The following LMBRD1 variants were observed in gnomAD, a reference collection of about 807,000 sequenced individuals.
LMBRD1 encodes the protein LMBR1 domain containing 1.
A neutral mutation model predicts 74.8 loss-of-function variants in LMBRD1; 64 were observed. That is an observed-to-expected ratio of 0.86 (90% confidence interval 0.70 to 1.05). LMBRD1 has a LOEUF of 1.05. Ranked by LOEUF, LMBRD1 falls within the 50% of genes least tolerant of loss-of-function variation. The probability of loss-of-function intolerance (pLI) is 0.00; values close to 1 mark genes in which losing one functional copy is unlikely to be tolerated. For missense variants in LMBRD1, 652 were observed against 645.9 expected, an observed-to-expected ratio of 1.01 and a Z score of -0.10; for synonymous variants, 204 against 216.3, an observed-to-expected ratio of 0.94 and a Z score of 0.50.
intron 12 of LMBRD1, 144 bp downstream of exon 12, chr6:69,700,621 G>T: frequency 1.9e-6 from 1 of 537,722 alleles, no homozygotes; most frequent in Non-Finnish European, 2.9e-6. Flanking sequence ...GTACTTTTAT[G>T]TCAACATGAA....
intron 2 of LMBRD1, among the ~76,000 whole-genome samples, 189 bp from the exon 3 acceptor site, chr6:69,780,743 C>T (rs1277839416): frequency 6.6e-6 from 1 of 152,116 alleles, no homozygotes; most frequent in Non-Finnish European, 1.5e-5. Context: ...GATAAGACAA[C>T]ACAGTTCTGG....
chr6:69,733,022 G>C (rs530982363), intron 7 of LMBRD1, among the ~76,000 whole-genome samples: 1 of 151,938 alleles, frequency 6.6e-6, no homozygotes, highest in South Asian at 2.1e-4. Context: ...ATTAATACAG[G>C]GTACAGTAGT....
At position 69,701,917 on chromosome 6, in the gene LMBRD1, G is replaced by C; in HGVS notation, c.952C>G (p.Leu318Val). ...WGIFFILVAL[L>V]FVISLFLSNL... ...GACAAGAAGAGAGAAATTACAAACA[G>C]CAATGCAACTAAGATGAAAAATATT... is the stretch of plus-strand genomic sequence containing the variant. The change falls in exon 10 of 16, where the codon CTG (leucine) becomes GTG (valine). Residue 318 changes from leucine to valine, a missense_variant. Around this residue, in one of 3 missense-constraint regions of LMBRD1, gnomAD observed 598 missense variants for 581.8 expected, o/e 1.03. Coordinates refer to ENST00000649934, the MANE Select transcript of LMBRD1 (RefSeq NM_018368.4). The C allele has an allele frequency of 6.2e-7, 1 of 1,600,494 alleles. No homozygotes were observed. The highest frequency in any genetic ancestry group is 8.6e-7 in the Non-Finnish European group (1 of 1,168,604).
At chr6:69,725,567 CACAAACAA>C (rs1326802407) in intron 7 of LMBRD1, among the ~76,000 whole-genome samples, 3 of 150,856 alleles carry the variant, frequency 2.0e-5, no homozygotes, top group Non-Finnish European at 4.4e-5. Flanking sequence ...ATAGAGAACC[CACAAACAA>C]ATCTACACAC....
intron 2 of LMBRD1, among the ~76,000 whole-genome samples, chr6:69,782,245 A>G (rs1312324581): frequency 6.6e-6 from 1 of 152,224 alleles, no homozygotes; most frequent in Non-Finnish European, 1.5e-5. Context: ...GCTCTTACAA[A>G]GCGATAAGCT....
At chr6:69,734,395 CA>C (rs1158510938) in intron 7 of LMBRD1, among the ~76,000 whole-genome samples, 1 of 69,674 alleles carries the variant, frequency 1.4e-5, no homozygotes, top group Non-Finnish European at 2.5e-5. Context: ...ATAACAAAAC[CA>C]ATTTTTTTTT....
Position 69,737,977 on chromosome 6 carries a change from T to G in LMBRD1, c.601A>C (p.Thr201Pro), listed in dbSNP as rs773018414. The G allele has an allele frequency of 1.2e-6, 2 of 1,611,212 alleles. No individual in the cohort carries two copies. The highest frequency in any genetic ancestry group is 1.7e-6 in the Non-Finnish European group (2 of 1,178,298). The stretch of plus-strand genomic sequence containing the variant: ...ATAGCTGCCAACATTCCAATCAAGG[T>G]CAGAGAACTGATAGAAAATGACAAT... Reference protein sequence around the residue: ...AALSFSISSLTLIGMLAAITY... With the variant: ...AALSFSISSLPLIGMLAAITY... Residue 201 changes from threonine to proline, a missense_variant, in exon 7 of 16, where the codon ACC (threonine) becomes CCC (proline). Coordinates refer to ENST00000649934, the MANE Select transcript of LMBRD1 (RefSeq NM_018368.4).
chr6:69,742,162 T>C (rs1228441236), intron 5 of LMBRD1, among the ~76,000 whole-genome samples: 1 of 152,068 alleles, frequency 6.6e-6, no homozygotes, highest in East Asian at 1.9e-4. Flanking sequence ...AAAATTAATA[T>C]ATAATATTTT....
intron 2 of LMBRD1, among the ~76,000 whole-genome samples, chr6:69,787,561 A>G (rs962586540): frequency 6.6e-6 from 1 of 152,182 alleles, no homozygotes; most frequent in Non-Finnish European, 1.5e-5. Flanking sequence ...CCTGGCCAAC[A>G]TGGTGAAACC....
intron 14 of LMBRD1, among the ~76,000 whole-genome samples, chr6:69,690,857 C>A (rs1167920718): frequency 6.6e-6 from 1 of 152,078 alleles, no homozygotes; most frequent in Non-Finnish European, 1.5e-5. Context: ...TACTTCAGTC[C>A]ATACAATCCT....
chr6:69,690,131 G>A (rs1043644944), intron 14 of LMBRD1, among the ~76,000 whole-genome samples: 2 of 150,708 alleles, frequency 1.3e-5, no homozygotes, highest in African/African-American at 4.9e-5. Context: ...CTTTCCTTCA[G>A]TTGGCTGGGT....
At chr6:69,697,329 A>G (rs1303042252) in intron 14 of LMBRD1, among the ~76,000 whole-genome samples, 1 of 151,994 alleles carries the variant, frequency 6.6e-6, no homozygotes, top group East Asian at 1.9e-4. Flanking sequence ...AGTAAATGTG[A>G]TAAATAAATA....
At chr6:69,683,103 C>A (rs1274349884) in intron 14 of LMBRD1, among the ~76,000 whole-genome samples, 2 of 151,934 alleles carry the variant, frequency 1.3e-5, no homozygotes, top group African/African-American at 4.8e-5. Flanking sequence ...ACCGCAATGT[C>A]ACCTAGAAAA....
chr6:69,755,014 C>T (rs1765239295), intron 3 of LMBRD1, among the ~76,000 whole-genome samples: 1 of 152,182 alleles, frequency 6.6e-6, no homozygotes, highest in Non-Finnish European at 1.5e-5. Context: ...TTGTGGAAGA[C>T]AGTGTGGCGA....
chr6:69,761,270 C>A (rs971271844), intron 3 of LMBRD1, among the ~76,000 whole-genome samples: 4 of 151,962 alleles, frequency 2.6e-5, no homozygotes, highest in African/African-American at 9.7e-5. Flanking sequence ...GTTATTTCCC[C>A]TTCTCAATGG....
rs1202049874 is a variant in LMBRD1, at chr6:69,697,610, T to G, written c.1370A>C (p.Asn457Thr). The part of the protein sequence containing the change: ...TNITSDNHKG[N>T]STLSVPKRCD... The stretch of plus-strand genomic sequence containing the variant: ...TCTCTTTGGCACAGAAAGGGTTGAA[T>G]TGCCTTTATGATTATCAGAAGTTAT... The change falls in exon 14 of 16, where the codon AAT (asparagine) becomes ACT (threonine). Residue 457 changes from asparagine (N) to threonine (T), a missense_variant. This residue lies in a region of LMBRD1 where 598 missense variants were observed against 581.8 expected (regional missense o/e 1.03). Transcript: ENST00000649934. 1 of 1,604,492 alleles carries G rather than the reference T, an allele frequency of 6.2e-7. No homozygotes were observed. Among genetic ancestry groups the G allele is most frequent in the Non-Finnish European group, 8.5e-7 (1 of 1,172,078 alleles).
chr6:69,772,841 C>A (rs937966093), intron 3 of LMBRD1, among the ~76,000 whole-genome samples: 6 of 152,092 alleles, frequency 3.9e-5, no homozygotes, highest in African/African-American at 1.4e-4. Context: ...AGATACTAGT[C>A]AGTTCTTTCA....
intron 3 of LMBRD1, among the ~76,000 whole-genome samples, chr6:69,777,450 A>AC (rs1210876639): frequency 6.6e-5 from 10 of 151,560 alleles, no homozygotes; most frequent in African/African-American, 2.4e-4. Flanking sequence ...GTTGCAAAAA[A>AC]AAAAAAAAAA....
chr6:69,794,404 G>A (rs9354890), intron 1 of LMBRD1, among the ~76,000 whole-genome samples: 52,441 of 152,066 alleles, frequency 0.34, 9,955 homozygotes, highest in East Asian at 0.54. Context: ...TGAAGCATGC[G>A]TACATAAAGT....
Sources: gnomAD v4.1 joint callset for allele counts (sites outside exome capture counted in the v4.1 genomes callset) on GRCh38, gnomAD v4.1.1 for gene constraint, gnomAD v4.1.1 regional missense constraint, MANE v1.5 for transcripts, NCBI Gene and HGNC (gene_info 2026-07-23, HGNC 2026-07-21) for gene names.